The following C1QTNF3 variants were observed in gnomAD, a reference collection of about 807,000 sequenced individuals.
C1QTNF3 encodes the protein C1q and TNF related 3.
C1QTNF3 carries 26 observed loss-of-function variants against 32.6 expected under a neutral mutation model. The observed-to-expected ratio is 0.80, with a 90% confidence interval of 0.58 to 1.11. The LOEUF is 1.11. Among genes scored for constraint, C1QTNF3 ranks in the 50% least tolerant of loss-of-function variants. The pLI is 0.00. For synonymous variants in C1QTNF3, 155 were observed against 146.0 expected (o/e 1.06, Z -0.44); for missense variants, 362 against 398.2 (o/e 0.91, Z 0.77).
the C1QTNF3 span, among the ~76,000 whole-genome samples, chr5:34,145,441 A>G: frequency 6.6e-6 from 1 of 152,238 alleles, no homozygotes; most frequent in South Asian, 2.1e-4. Flanking sequence ...GAACTAGGAA[A>G]AAAATAAAAT....
the C1QTNF3 span, among the ~76,000 whole-genome samples, chr5:34,241,778 A>C: frequency 2.6e-5 from 4 of 151,804 alleles, 1 homozygote; most frequent in African/African-American, 9.7e-5. Flanking sequence ...GCATGGTGGC[A>C]CATGCCTGTA....
rs1248766131 is a variant in C1QTNF3, at chr5:34,020,648, C to T, written c.895G>A (p.Ala299Thr). 7.4e-6 allele frequency: 12 copies of T among 1,614,082 alleles called. No individual in the cohort carries two copies. The highest frequency in any genetic ancestry group is 8.5e-6 in the Non-Finnish European group (10 of 1,180,048). The change falls in exon 6 of 6, where the codon GCT becomes ACT. Residue 299 changes from alanine to threonine, a missense_variant. By Grantham distance (58) the Ala-to-Thr change is moderately conservative (BLOSUM62 0). Transcript: ENST00000382065. ...AAGCGTTGGTGGTCCCCATGGAGAG[C>T]GCCATTGCCCATTCGCAGCCAAACC... ...DEVWLRMGNG[A>T]LHGDHQRFST...
chr5:34,230,441 T>TA, the C1QTNF3 span, among the ~76,000 whole-genome samples: 1 of 152,164 alleles, frequency 6.6e-6, no homozygotes, highest in African/African-American at 2.4e-5. Flanking sequence ...TGGTCAATGA[T>TA]ATGCCCCAGG....
At chr5:34,238,511 T>C in the C1QTNF3 span, among the ~76,000 whole-genome samples, 2 of 152,044 alleles carry the variant, frequency 1.3e-5, no homozygotes, top group African/African-American at 4.8e-5. Context: ...TAACAGAAGG[T>C]AGGCCAAGCT....
At chr5:34,141,415 GC>G in the C1QTNF3 span, among the ~76,000 whole-genome samples, 1 of 152,144 alleles carries the variant, frequency 6.6e-6, no homozygotes, top group African/African-American at 2.4e-5. Flanking sequence ...ACCGCGCCGG[GC>G]CCGGGGTTGG....
the C1QTNF3 span, among the ~76,000 whole-genome samples, chr5:34,129,087 G>A: frequency 1.2e-4 from 19 of 152,116 alleles, no homozygotes; most frequent in Admixed American, 5.2e-4. Context: ...TAGTGAGTGA[G>A]TTCTCATAAG....
chr5:34,208,589 C>T, the C1QTNF3 span, among the ~76,000 whole-genome samples: 1 of 151,716 alleles, frequency 6.6e-6, no homozygotes, highest in African/African-American at 2.4e-5. Context: ...TTTTGAGACC[C>T]ACTTGCTTAG....
chr5:34,070,961 T>G, the C1QTNF3 span, among the ~76,000 whole-genome samples: 1 of 152,192 alleles, frequency 6.6e-6, no homozygotes, highest in Non-Finnish European at 1.5e-5. Context: ...GTTAACAAAT[T>G]TGTCAATAAG....
the C1QTNF3 span, among the ~76,000 whole-genome samples, chr5:34,239,056 G>A: frequency 1.3e-5 from 2 of 152,142 alleles, no homozygotes; most frequent in African/African-American, 2.4e-5. Flanking sequence ...CTTCCTAAGT[G>A]AAGAAGAAAC....
Position 34,023,893 on chromosome 5 carries a change from A to G in C1QTNF3, c.800+16T>C. The G allele has an allele frequency of 1.2e-6, 2 of 1,608,194 alleles. No homozygotes were observed. Among genetic ancestry groups the G allele is most frequent in the Non-Finnish European group, 1.7e-6 (2 of 1,174,644 alleles). On this transcript the variant is annotated intron_variant, in intron 5 of 5. Transcript: ENST00000382065. ...TGGCAGCATGGATGAGACCCATGAC[A>G]GAAAAGACCACCCACCTGTACATGC...
At chr5:34,240,075 A>G in the C1QTNF3 span, among the ~76,000 whole-genome samples, 1 of 151,988 alleles carries the variant, frequency 6.6e-6, no homozygotes, top group Non-Finnish European at 1.5e-5. Context: ...AAATTTTAAG[A>G]AAGTGAAATT....
At chr5:34,187,009 A>G in the C1QTNF3 span, among the ~76,000 whole-genome samples, 1 of 152,306 alleles carries the variant, frequency 6.6e-6, no homozygotes. Flanking sequence ...AATAATTCCC[A>G]CGTGTCAAGG....
At chr5:34,171,113 T>C in the C1QTNF3 span, among the ~76,000 whole-genome samples, 1 of 152,106 alleles carries the variant, frequency 6.6e-6, no homozygotes, top group Non-Finnish European at 1.5e-5. Flanking sequence ...TCTCAAATTT[T>C]AAACCTAGAG....
At chr5:34,088,735 C>G in the C1QTNF3 span, among the ~76,000 whole-genome samples, 6 of 152,124 alleles carry the variant, frequency 3.9e-5, no homozygotes, top group Non-Finnish European at 8.8e-5. Context: ...GGGTCTGGAA[C>G]TCCCGGGCTC....
the C1QTNF3 span, chr5:34,167,530 A>T: frequency 2.0e-5 from 3 of 152,188 alleles, no homozygotes; most frequent in Non-Finnish European, 4.4e-5. Context: ...TGATTAGTCC[A>T]CTTAAAAACC....
At chr5:34,175,597 C>T in the C1QTNF3 span, 7 of 442,278 alleles carry the variant, frequency 1.6e-5, no homozygotes, top group African/African-American at 1.4e-4. Flanking sequence ...AGCAGACTCT[C>T]ATGTTTGCTT....
chr5:34,054,601 C>A, the C1QTNF3 span, among the ~76,000 whole-genome samples: 1 of 152,174 alleles, frequency 6.6e-6, no homozygotes, highest in South Asian at 2.1e-4. Context: ...CTATTCTAAG[C>A]CTGATCACTC....
the C1QTNF3 span, among the ~76,000 whole-genome samples, chr5:34,213,518 C>A: frequency 6.6e-5 from 10 of 151,104 alleles, no homozygotes; most frequent in Non-Finnish European, 1.3e-4. Context: ...GGTTAATCAT[C>A]GCAACTTACA....
chr5:34,209,549 T>A, the C1QTNF3 span, among the ~76,000 whole-genome samples: 1 of 151,932 alleles, frequency 6.6e-6, no homozygotes. Context: ...ATATTATTAC[T>A]AATAGAAAAT....
Sources: allele counts gnomAD v4.1 joint callset (sites outside exome capture counted in the v4.1 genomes callset), GRCh38; gene constraint gnomAD v4.1.1; transcripts MANE v1.5; gene names NCBI Gene and HGNC (gene_info 2026-07-23, HGNC 2026-07-21).